Variants in GTF2F2 observed in about 807,000 individuals in gnomAD.
GTF2F2 encodes general transcription factor IIF subunit 2, also known as ATP-dependent helicase GTF2F2.
GTF2F2 carries 23 observed loss-of-function variants against 42.2 expected under a neutral mutation model. The ratio of observed to expected loss-of-function variants is 0.55; its 90% CI spans 0.39 to 0.77. GTF2F2 has a LOEUF of 0.77. GTF2F2 is among the 30% of genes least tolerant of loss of function. The pLI is 0.00. For missense variants in GTF2F2, 261 were observed against 287.2 expected, an observed-to-expected ratio of 0.91 and a Z score of 0.66; for synonymous variants, 105 against 100.8, an observed-to-expected ratio of 1.04 and a Z score of -0.25.
intron 2 of GTF2F2, among the ~76,000 whole-genome samples, chr13:45,149,059 G>A (rs9526038): frequency 0.36 from 54,459 of 151,932 alleles, 13,552 homozygotes; most frequent in African/African-American, 0.71. Context: ...GATAAAATGA[G>A]TAGTAAAATT....
chr13:45,191,224 A>AAAAAAAATATATAT, intron 4 of GTF2F2, among the ~76,000 whole-genome samples: 23 of 75,298 alleles, frequency 3.1e-4, no homozygotes, highest in African/African-American at 1.2e-3. Flanking sequence ...ACAAAAAAAA[A>AAAAAAAATATATAT]ATATATATAT....
chr13:45,248,986 T>G (rs940919760), intron 5 of GTF2F2, among the ~76,000 whole-genome samples: 1 of 152,224 alleles, frequency 6.6e-6, no homozygotes, highest in Non-Finnish European at 1.5e-5. Context: ...GTAGTTTGTT[T>G]GGAAATATGT....
At chr13:45,241,178 A>G (rs904174797) in intron 5 of GTF2F2, among the ~76,000 whole-genome samples, 4 of 119,680 alleles carry the variant, frequency 3.3e-5, no homozygotes, top group Middle Eastern at 3.8e-3. Context: ...AAGTAAATAA[A>G]TATAAAATAT....
intron 5 of GTF2F2, among the ~76,000 whole-genome samples, chr13:45,246,616 C>G (rs1875633257): frequency 6.6e-6 from 1 of 152,162 alleles, no homozygotes; most frequent in Non-Finnish European, 1.5e-5. Context: ...TTTTAAAACA[C>G]AAATTTAATT....
intron 3 of GTF2F2, among the ~76,000 whole-genome samples, chr13:45,150,086 A>G (rs1593456128): frequency 1.3e-5 from 2 of 152,194 alleles, no homozygotes; most frequent in East Asian, 1.9e-4. Flanking sequence ...TGACAAAGGC[A>G]TTTGATATGG....
chr13:45,186,775 A>T (rs1872445811), intron 4 of GTF2F2, among the ~76,000 whole-genome samples: 1 of 152,190 alleles, frequency 6.6e-6, no homozygotes, highest in Non-Finnish European at 1.5e-5. Flanking sequence ...TAGTTAATAA[A>T]TACCTGTTTT....
At chr13:45,214,263 T>G (rs117758107) in intron 5 of GTF2F2, among the ~76,000 whole-genome samples, 1,789 of 152,332 alleles carry the variant, frequency 0.012, 20 homozygotes, top group Middle Eastern at 0.02. Context: ...TATAACCATA[T>G]TCATCAAATG....
intron 7 of GTF2F2, among the ~76,000 whole-genome samples, chr13:45,279,563 T>G (rs1424350750): frequency 6.6e-6 from 1 of 152,194 alleles, no homozygotes; most frequent in Non-Finnish European, 1.5e-5. Context: ...CACGCCTTAT[T>G]CACTTTGCAT....
intron 4 of GTF2F2, among the ~76,000 whole-genome samples, chr13:45,189,677 G>A (rs946767016): frequency 2.7e-5 from 4 of 146,970 alleles, no homozygotes; most frequent in Admixed American, 6.7e-5. Flanking sequence ...GGCTGTTGTG[G>A]TTTTGATTTG....
At chr13:45,222,884 G>A (rs1334371618) in intron 5 of GTF2F2, among the ~76,000 whole-genome samples, 2 of 152,136 alleles carry the variant, frequency 1.3e-5, no homozygotes, top group Admixed American at 6.5e-5. Flanking sequence ...GGCTGGGCAC[G>A]GTGGCTCACG....
intron 4 of GTF2F2, among the ~76,000 whole-genome samples, chr13:45,152,537 A>G (rs912692002): frequency 6.6e-6 from 1 of 152,196 alleles, no homozygotes; most frequent in Admixed American, 6.5e-5. Context: ...ATACAGTTTG[A>G]TATTAGGGAA....
intron 1 of GTF2F2, among the ~76,000 whole-genome samples, chr13:45,121,118 C>T (rs1199666475): frequency 6.6e-6 from 1 of 152,152 alleles, no homozygotes; most frequent in Non-Finnish European, 1.5e-5. Flanking sequence ...ACAGTTTTCT[C>T]GGCCAGAAAG....
At chr13:45,125,440 C>T (rs1490348580) in intron 1 of GTF2F2, among the ~76,000 whole-genome samples, 10 of 152,166 alleles carry the variant, frequency 6.6e-5, no homozygotes, top group Non-Finnish European at 1.5e-4. Flanking sequence ...CTGCCTCAGC[C>T]TCCCGAGTAG....
intron 6 of GTF2F2, among the ~76,000 whole-genome samples, chr13:45,254,131 G>A (rs1032764297): frequency 6.6e-6 from 1 of 151,704 alleles, no homozygotes; most frequent in Admixed American, 6.6e-5. Flanking sequence ...TTTTGAGAGA[G>A]TGAGAGAGAG....
chr13:45,270,485 C>G (rs539484199), intron 7 of GTF2F2, among the ~76,000 whole-genome samples: 16 of 152,098 alleles, frequency 1.1e-4, no homozygotes, highest in Admixed American at 2.0e-4. Context: ...AGCGTGCTAG[C>G]TCAGGTCTCT....
chr13:45,165,570 C>G (rs959762217), intron 4 of GTF2F2, among the ~76,000 whole-genome samples: 3 of 145,024 alleles, frequency 2.1e-5, no homozygotes, highest in Admixed American at 6.9e-5. Context: ...TGCCCTCGCC[C>G]CCCCCCGCCG....
At position 45,144,590 on chromosome 13, in the gene GTF2F2, C is replaced by T. The variant is rs766024124; in HGVS notation, c.141-5180C>T. 7.9e-5 allele frequency among the ~76,000 whole-genome samples: 12 copies of T among 151,350 alleles called. No homozygotes were observed. In the South Asian group the frequency reaches 1.5e-3, roughly 18 times the overall value. On this transcript the variant is annotated intron_variant, in intron 2 of 7. Transcript: ENST00000340473. ...CCGAGTAGCTGGGACTACAGGCGCC[C>T]GCCACCACGACTGGCTAATTTTTTG...
At chr13:45,134,147 G>T (rs1461310455) in intron 1 of GTF2F2, among the ~76,000 whole-genome samples, 1 of 152,182 alleles carries the variant, frequency 6.6e-6, no homozygotes, top group African/African-American at 2.4e-5. Context: ...AATCTTGATT[G>T]TGCTTGTGGA....
At chr13:45,153,622 G>C (rs1194158653) in intron 4 of GTF2F2, among the ~76,000 whole-genome samples, 1 of 151,996 alleles carries the variant, frequency 6.6e-6, no homozygotes, top group South Asian at 2.1e-4. Context: ...CATAGTATAG[G>C]CCTATCTAAA....
Sources: gnomAD v4.1 joint callset for allele counts (sites outside exome capture counted in the v4.1 genomes callset) on GRCh38, gnomAD v4.1.1 for gene constraint, MANE v1.5 for transcripts, NCBI Gene and HGNC (gene_info 2026-07-23, HGNC 2026-07-21) for gene names.